The following SUSD1 variants were observed in gnomAD, a reference collection of about 807,000 sequenced individuals.
The protein encoded by SUSD1 is sushi domain containing 1.
SUSD1 carries 65 observed loss-of-function variants against 86.9 expected under a neutral mutation model. That is an observed-to-expected ratio of 0.75 (90% CI 0.61 to 0.92). The LOEUF (loss-of-function observed/expected upper bound fraction) is 0.92, where lower values mean the gene tolerates loss of function less well. Among genes scored for constraint, SUSD1 ranks in the 40% least tolerant of loss-of-function variants. SUSD1 has a pLI of 0.00. For missense variants in SUSD1, 850 were observed against 929.7 expected (o/e 0.91, Z 1.11); for synonymous variants, 346 against 350.0 (o/e 0.99, Z 0.13).
chr9:112,115,489 C>T (rs183584547), intron 6 of SUSD1, among the ~76,000 whole-genome samples: 24 of 152,274 alleles, frequency 1.6e-4, no homozygotes, highest in Admixed American at 1.5e-3. Flanking sequence ...AGAACACACA[C>T]AATTTGAAAT....
At chr9:112,157,837 T>C (rs1219821998) in intron 1 of SUSD1, among the ~76,000 whole-genome samples, 1 of 151,390 alleles carries the variant, frequency 6.6e-6, no homozygotes, top group East Asian at 2.0e-4. Context: ...TTTTTTTTTT[T>C]TTTCAAGACA....
chr9:112,073,270 TTCTTGAAGA>T (rs1243299240), intron 12 of SUSD1, among the ~76,000 whole-genome samples: 10 of 152,214 alleles, frequency 6.6e-5, no homozygotes, highest in Non-Finnish European at 1.3e-4. Flanking sequence ...GATGGGAAAT[TTCTTGAAGA>T]AGTTGCCAGC....
chr9:112,043,659 C>A (rs992395255), intron 15 of SUSD1, among the ~76,000 whole-genome samples: 1 of 152,084 alleles, frequency 6.6e-6, no homozygotes, highest in African/African-American at 2.4e-5. Flanking sequence ...ACTCATTGGG[C>A]GGTTACTAAT....
intron 3 of SUSD1, among the ~76,000 whole-genome samples, chr9:112,147,684 G>A (rs555758681): frequency 9.9e-5 from 15 of 152,252 alleles, no homozygotes; most frequent in African/African-American, 3.1e-4. Flanking sequence ...CAGGAGAATC[G>A]CTTGAACCCG....
Position 112,175,070 on chromosome 9 carries a change from G to T in SUSD1, c.103+63C>A. 5 of 994,790 alleles carry T rather than the reference G, an allele frequency of 5.0e-6. No homozygotes were observed. The highest frequency in any genetic ancestry group is 6.0e-6 in the Non-Finnish European group (5 of 836,332). The allele number at this position is 994,790 out of a possible 1,614,324, so 61.6% of individuals were successfully genotyped here. A position where few individuals can be genotyped will look rare whatever the true frequency, so the allele number is the denominator to read the frequency against. ...GGGCGGGGAAGCGTCCGTGCGCCCA[G>T]AGTCCTCGAGGCCCAGCCGGGGGCC... is the stretch of plus-strand genomic sequence containing the variant. On this transcript the variant is annotated intron_variant, in intron 1 of 16. Coordinates refer to ENST00000374270, the MANE Select transcript of SUSD1 (RefSeq NM_022486.5). This position sits in a 1 kb window ranked among gnomAD's most constrained non-coding sequence, Gnocchi z 4.7.
At chr9:112,082,529 C>A (rs1308170675) in intron 10 of SUSD1, among the ~76,000 whole-genome samples, 1 of 152,068 alleles carries the variant, frequency 6.6e-6, no homozygotes, top group Non-Finnish European at 1.5e-5. Flanking sequence ...CGGATGGAGC[C>A]ACAAGCCAAG....
chr9:112,097,998 G>A (rs1396608097), intron 10 of SUSD1, among the ~76,000 whole-genome samples: 1 of 152,198 alleles, frequency 6.6e-6, no homozygotes, highest in Admixed American at 6.5e-5. Context: ...GAATTTCTAA[G>A]GAGCCTGACC....
chr9:112,097,361 G>A (rs993033755), intron 10 of SUSD1, among the ~76,000 whole-genome samples: 11 of 150,110 alleles, frequency 7.3e-5, no homozygotes, highest in Non-Finnish European at 1.3e-4. Flanking sequence ...CAGGTGCTAC[G>A]TGGCTCTCAT....
At chr9:112,152,215 A>G (rs1237671077) in intron 2 of SUSD1, among the ~76,000 whole-genome samples, 1 of 151,972 alleles carries the variant, frequency 6.6e-6, no homozygotes, top group Non-Finnish European at 1.5e-5. Context: ...AAAAAAAAAA[A>G]AAAGGGATCT....
At chr9:112,162,086 T>C (rs1304057363) in intron 1 of SUSD1, among the ~76,000 whole-genome samples, 1 of 152,180 alleles carries the variant, frequency 6.6e-6, no homozygotes, top group Middle Eastern at 3.2e-3. Flanking sequence ...ATGCACACAA[T>C]AAAACACCCC....
chr9:112,120,207 T>C (rs1054714268), intron 6 of SUSD1, among the ~76,000 whole-genome samples: 2 of 152,120 alleles, frequency 1.3e-5, no homozygotes, highest in Non-Finnish European at 2.9e-5. Context: ...CTTGGGAGGC[T>C]GAGGCAGAAG....
intron 10 of SUSD1, 143 bp from the exon 11 acceptor site, chr9:112,080,308 T>G: frequency 1.7e-6 from 1 of 588,962 alleles, no homozygotes; most frequent in South Asian, 1.9e-5. Context: ...AGTCTCAAAG[T>G]AATACCACTT....
intron 1 of SUSD1, among the ~76,000 whole-genome samples, chr9:112,165,255 T>C (rs7875332): frequency 0.46 from 70,444 of 152,036 alleles, 16,690 homozygotes; most frequent in African/African-American, 0.57. Flanking sequence ...TCATGTATTG[T>C]AAAATGGGAT....
At chr9:112,165,942 G>GAATGA (rs11377595) in intron 1 of SUSD1, among the ~76,000 whole-genome samples, 1 of 71,912 alleles carries the variant, frequency 1.4e-5, no homozygotes, top group African/African-American at 5.5e-5. Flanking sequence ...AAGAAAGAAA[G>GAATGA]AAGAAAGAAA....
chr9:112,158,962 G>C (rs549073412), intron 1 of SUSD1, among the ~76,000 whole-genome samples: 2 of 151,616 alleles, frequency 1.3e-5, no homozygotes, highest in Non-Finnish European at 2.9e-5. Context: ...AAAGCAAATG[G>C]AGTGAAGAGG....
chr9:112,091,486 A>G (rs1564286506), intron 10 of SUSD1, among the ~76,000 whole-genome samples: 1 of 152,184 alleles, frequency 6.6e-6, no homozygotes, highest in South Asian at 2.1e-4. Flanking sequence ...TCCTTGTAGG[A>G]TTTTTTAAAA....
intron 8 of SUSD1, 59 bp from the exon 9 acceptor site, chr9:112,102,344 G>T: frequency 1.2e-6 from 1 of 844,202 alleles, no homozygotes; most frequent in Non-Finnish European, 1.8e-6. Flanking sequence ...AATGCATCAT[G>T]GCTGAGTACA....
intron 5 of SUSD1, among the ~76,000 whole-genome samples, chr9:112,129,129 G>A (rs1831907227): frequency 6.6e-6 from 1 of 152,110 alleles, no homozygotes; most frequent in Non-Finnish European, 1.5e-5. Context: ...GGTCTTGGAT[G>A]GACTTCAGAG....
intron 12 of SUSD1, among the ~76,000 whole-genome samples, chr9:112,076,854 G>A (rs13290725): frequency 0.079 from 11,993 of 152,248 alleles, 561 homozygotes; most frequent in Non-Finnish European, 0.11. Context: ...GAGTGTCAAC[G>A]CTATCGAAGA....
Sources: gnomAD v4.1 joint callset for allele counts (sites outside exome capture counted in the v4.1 genomes callset) on GRCh38, gnomAD v4.1.1 for gene constraint, Gnocchi (gnomAD v3.1) non-coding constraint, MANE v1.5 for transcripts, NCBI Gene and HGNC (gene_info 2026-07-23, HGNC 2026-07-21) for gene names.